SMAD2: variants seen among roughly 807,000 people sequenced by gnomAD.
SMAD2 encodes SMAD family member 2.
SMAD2 carries 8 observed loss-of-function variants against 64.4 expected under a neutral mutation model. That is an observed-to-expected ratio of 0.12 (90% CI 0.07 to 0.22). The LOEUF is 0.22. SMAD2 is among the 10% of genes least tolerant of loss of function. SMAD2 has a pLI of 1.00. For synonymous variants in SMAD2, 203 were observed against 195.8 expected, an observed-to-expected ratio of 1.04 and a Z score of -0.31; for missense variants, 289 against 561.2, an observed-to-expected ratio of 0.51 and a Z score of 4.90.
intron 1 of SMAD2, among the ~76,000 whole-genome samples, chr18:47,926,879 T>G (rs1006687316): frequency 1.3e-5 from 2 of 152,218 alleles, no homozygotes; most frequent in African/African-American, 4.8e-5. Flanking sequence ...ACTTGAATTG[T>G]GATCACTGAA....
At chr18:47,846,273 G>A (rs1402281991) in intron 8 of SMAD2, among the ~76,000 whole-genome samples, 2 of 152,082 alleles carry the variant, frequency 1.3e-5, no homozygotes, top group Non-Finnish European at 2.9e-5. Context: ...ACCTCTAGAT[G>A]TATAAGCATG....
At chr18:47,898,118 T>C (rs896241042) in intron 1 of SMAD2, among the ~76,000 whole-genome samples, 4 of 152,160 alleles carry the variant, frequency 2.6e-5, no homozygotes, top group African/African-American at 4.8e-5. Flanking sequence ...AAAATAATAA[T>C]AAGGCATCAT....
At position 47,896,549 on chromosome 18, in the gene SMAD2, A is replaced by G; in HGVS notation, c.208T>C (p.Cys70Arg). ...ELEKAITTQNCNTKCVTIPST... is the reference protein window; with the variant it reads ...ELEKAITTQNRNTKCVTIPST... ...GGTATGGTAACACATTTAGTATTAC[A>G]GTTTTGAGTGGTGATGGCTTTCTCA... The change falls in exon 2 of 11, where the codon TGT becomes CGT. Residue 70 changes from cysteine (C) to arginine (R), a missense_variant. By Grantham distance (180) the Cys-to-Arg change is radical. This residue lies in a region of SMAD2 where 89 missense variants were observed against 137.1 expected (regional missense o/e 0.65). Coordinates refer to ENST00000262160, the MANE Select transcript of SMAD2 (RefSeq NM_005901.6). The G allele has an allele frequency of 1.2e-6, 2 of 1,614,166 alleles. No individual in the cohort carries two copies. The highest frequency in any genetic ancestry group is 1.1e-5 in the South Asian group (1 of 91,086).
At chr18:47,856,213 G>C (rs895535669) in intron 6 of SMAD2, among the ~76,000 whole-genome samples, 2 of 151,986 alleles carry the variant, frequency 1.3e-5, no homozygotes, top group African/African-American at 4.8e-5. Context: ...AAAATAGGGA[G>C]ATTATAGGTC....
At position 47,812,001 on chromosome 18, in the gene SMAD2, TAAAG is replaced by T. The variant is rs977879258; in HGVS notation, c.*29822_*29825del. The T allele has an allele frequency of 2.0e-5, 3 of 152,200 alleles. No individual in the cohort carries two copies. Among genetic ancestry groups the T allele is most frequent in the African/African-American group, 7.2e-5 (3 of 41,448 alleles). The allele number at this position is 152,200 out of a possible 1,614,324, so 9.4% of individuals were successfully genotyped here. The stretch of plus-strand genomic sequence containing the variant: ...GTATTAGTCTGTTCTCACACTGCTA[TAAAG>T]AAATACCTGAGACTGGGTAATTTAT... On this transcript the variant is annotated 3_prime_UTR_variant, in exon 11 of 11. Coordinates refer to ENST00000262160, the MANE Select transcript of SMAD2 (RefSeq NM_005901.6).
chr18:47,880,924 G>C (rs750096105), intron 2 of SMAD2, among the ~76,000 whole-genome samples: 1 of 152,072 alleles, frequency 6.6e-6, no homozygotes, highest in Non-Finnish European at 1.5e-5. Context: ...AGAATCCAGG[G>C]CTCTCTTTCT....
chr18:47,854,029 G>C (rs981439406), intron 6 of SMAD2, among the ~76,000 whole-genome samples: 1 of 150,950 alleles, frequency 6.6e-6, no homozygotes. Flanking sequence ...TAGAATTACA[G>C]ATTACAAAAA....
At chr18:47,896,837 A>G (rs1332241229) in intron 1 of SMAD2, 28 bp from the exon 2 acceptor site, 46 of 1,545,302 alleles carry the variant, frequency 3.0e-5, no homozygotes. Context: ...AGGATGATGT[A>G]GAGACTACCT....
intron 7 of SMAD2, among the ~76,000 whole-genome samples, chr18:47,850,786 A>G (rs866862932): frequency 1.8e-3 from 14 of 7,776 alleles, no homozygotes; most frequent in African/African-American, 3.3e-3. Flanking sequence ...TATAATATAT[A>G]TTATATATTA....
intron 2 of SMAD2, among the ~76,000 whole-genome samples, chr18:47,885,873 G>C (rs2032875310): frequency 6.6e-6 from 1 of 152,118 alleles, no homozygotes; most frequent in African/African-American, 2.4e-5. Flanking sequence ...GAGGTGGGAG[G>C]ATCACCGGAG....
In SMAD2 at chr18:47,830,083, C is replaced by G. The variant is rs1377098048; in HGVS notation, c.*11744G>C. 2.6e-5 allele frequency: 4 copies of G among 152,122 alleles called. No homozygotes were observed. Among genetic ancestry groups the G allele is most frequent in the Admixed American group, 6.5e-5 (1 of 15,278 alleles). The allele number at this position is 152,122 out of a possible 1,614,324, so 9.4% of individuals were successfully genotyped here. ...CAATTATCTCTATAAAATTCAATTC[C>G]TTAGAATATGTGTTTGTGATTGACG... On this transcript the variant is annotated 3_prime_UTR_variant, in exon 11 of 11. Transcript: ENST00000262160.
At chr18:47,850,657 A>G (rs1304137395) in intron 7 of SMAD2, among the ~76,000 whole-genome samples, 3 of 42,016 alleles carry the variant, frequency 7.1e-5, no homozygotes, top group Non-Finnish European at 1.1e-4. Flanking sequence ...TATAATATAT[A>G]TTATATACTA....
At chr18:47,925,911 C>T (rs966075170) in intron 1 of SMAD2, among the ~76,000 whole-genome samples, 4 of 152,220 alleles carry the variant, frequency 2.6e-5, no homozygotes, top group Non-Finnish European at 5.9e-5. Context: ...AACAGAGAGA[C>T]TGGCCAACTA....
At chr18:47,899,609 A>G (rs922331413) in intron 1 of SMAD2, among the ~76,000 whole-genome samples, 3 of 152,190 alleles carry the variant, frequency 2.0e-5, no homozygotes, top group Non-Finnish European at 2.9e-5. Flanking sequence ...TGTGTTGCAC[A>G]TAACAATCTG....
chr18:47,905,007 T>C (rs1374327008), intron 1 of SMAD2, among the ~76,000 whole-genome samples: 1 of 152,180 alleles, frequency 6.6e-6, no homozygotes, highest in Non-Finnish European at 1.5e-5. Flanking sequence ...GCATTGGATA[T>C]TGTAGACAGG....
chr18:47,854,736 A>G (rs1260452122), intron 6 of SMAD2, among the ~76,000 whole-genome samples: 1 of 152,116 alleles, frequency 6.6e-6, no homozygotes, highest in African/African-American at 2.4e-5. Context: ...TCAAGATCAC[A>G]GCAAAACTGA....
intron 2 of SMAD2, 71 bp downstream of exon 2, chr18:47,896,450 C>T (rs547808649): frequency 2.6e-6 from 4 of 1,513,482 alleles, no homozygotes; most frequent in African/African-American, 2.7e-5. Context: ...TTGAAAGGAA[C>T]ACAAATTCAG....
chr18:47,838,117 ATGTTTGTT>A lies in SMAD2; in HGVS notation c.*3702_*3709del. On this transcript the variant is annotated 3_prime_UTR_variant, in exon 11 of 11. Coordinates refer to ENST00000262160, the MANE Select transcript of SMAD2 (RefSeq NM_005901.6). Reference sequence around the variant, plus strand: ...TTCAACTAGCAAGAGACTAAGACTGATGTTTGTTTGTTTGTTTTACCTTCAAAGTCTTA... The same window carrying A: ...TTCAACTAGCAAGAGACTAAGACTGATGTTTGTTTTACCTTCAAAGTCTTA... 1 of 233,032 alleles carries A rather than the reference ATGTTTGTT, an allele frequency of 4.3e-6. No individual in the cohort carries two copies. The highest frequency in any genetic ancestry group is 5.6e-5 in the Admixed American group (1 of 17,772). 14.4% of individuals were successfully genotyped at this position (233,032 alleles called of 1,614,324 possible).
At position 47,836,784 on chromosome 18, in the gene SMAD2, T is replaced by C. The variant is rs1913454374; in HGVS notation, c.*5043A>G. 4.6e-6 allele frequency: 1 copy of C among 219,428 alleles called. No individual in the cohort carries two copies. The highest frequency in any genetic ancestry group is 2.3e-5 in the African/African-American group (1 of 44,412). 13.6% of individuals were successfully genotyped at this position (219,428 alleles called of 1,614,324 possible). On this transcript the variant is annotated 3_prime_UTR_variant, in exon 11 of 11. Coordinates refer to ENST00000262160, the MANE Select transcript of SMAD2 (RefSeq NM_005901.6). The stretch of plus-strand genomic sequence containing the variant: ...TAAATGCTATCATGAGGCTATCTAG[T>C]ATAGCTCATATTTCCTGGTTGTAAG...
Sources: allele counts gnomAD v4.1 joint callset (sites outside exome capture counted in the v4.1 genomes callset), GRCh38; gene constraint gnomAD v4.1.1; regional missense constraint gnomAD v4.1.1; transcripts MANE v1.5; gene names NCBI Gene and HGNC (gene_info 2026-07-23, HGNC 2026-07-21).